RNLS: variants seen among roughly 807,000 people sequenced by gnomAD.
The protein encoded by RNLS is renalase.
RNLS carries 39 observed loss-of-function variants against 39.8 expected under a neutral mutation model. The observed-to-expected ratio is 0.98, with a 90% CI of 0.76 to 1.28. The LOEUF (loss-of-function observed/expected upper bound fraction) is 1.28. Ranked by LOEUF, RNLS falls within the 50% of genes most tolerant of loss-of-function variation. RNLS has a pLI of 0.00. For synonymous variants in RNLS, 147 were observed against 150.7 expected, an observed-to-expected ratio of 0.98 and a Z score of 0.18; for missense variants, 410 against 413.3, an observed-to-expected ratio of 0.99 and a Z score of 0.07.
At chr10:88,428,350 A>C (rs139076031) in intron 4 of RNLS, among the ~76,000 whole-genome samples, 123 of 152,046 alleles carry the variant, frequency 8.1e-4, no homozygotes, top group African/African-American at 2.8e-3. Context: ...TGAAAGGTTC[A>C]CTTTTATTCA....
chr10:88,445,601 A>G (rs1841989339), intron 4 of RNLS, among the ~76,000 whole-genome samples: 1 of 152,214 alleles, frequency 6.6e-6, no homozygotes, highest in Admixed American at 6.5e-5. Flanking sequence ...TAGGCTCAAA[A>G]TAAAGGGATG....
chr10:88,208,583 G>A, the RNLS span, among the ~76,000 whole-genome samples: 1 of 152,016 alleles, frequency 6.6e-6, no homozygotes, highest in South Asian at 2.1e-4. Context: ...GTTAACGTAT[G>A]GCAAAGGTAA....
intron 4 of RNLS, among the ~76,000 whole-genome samples, chr10:88,447,042 C>T (rs1842076251): frequency 6.6e-6 from 1 of 152,152 alleles, no homozygotes; most frequent in South Asian, 2.1e-4. Context: ...TATGACAAAC[C>T]CACAGCCAAT....
chr10:88,460,986 T>A (rs972981136), intron 4 of RNLS, among the ~76,000 whole-genome samples: 1 of 152,108 alleles, frequency 6.6e-6, no homozygotes, highest in Non-Finnish European at 1.5e-5. Flanking sequence ...ATCAAAGATC[T>A]GGTGACACCC....
At chr10:88,443,919 A>C (rs1161444037) in intron 4 of RNLS, among the ~76,000 whole-genome samples, 1 of 152,234 alleles carries the variant, frequency 6.6e-6, no homozygotes, top group Non-Finnish European at 1.5e-5. Flanking sequence ...AACAAAAGGC[A>C]GCAGAAACCT....
the RNLS span, among the ~76,000 whole-genome samples, chr10:88,235,587 T>C: frequency 6.6e-6 from 1 of 152,194 alleles, no homozygotes; most frequent in African/African-American, 2.4e-5. Flanking sequence ...AGTCAATTTA[T>C]ACAACCCCAC....
chr10:88,501,635 C>T (rs1845490453), intron 4 of RNLS, among the ~76,000 whole-genome samples: 1 of 152,124 alleles, frequency 6.6e-6, no homozygotes, highest in African/African-American at 2.4e-5. Flanking sequence ...AACCGCAATG[C>T]GTTAGTTCTT....
At chr10:88,515,415 T>C (rs1348712235) in intron 4 of RNLS, among the ~76,000 whole-genome samples, 1 of 152,052 alleles carries the variant, frequency 6.6e-6, no homozygotes, top group Non-Finnish European at 1.5e-5. Context: ...CTTGTATATG[T>C]TGCTTCTTCT....
chr10:88,482,478 A>G (rs1172363997), intron 4 of RNLS, among the ~76,000 whole-genome samples: 1 of 152,164 alleles, frequency 6.6e-6, no homozygotes, highest in African/African-American at 2.4e-5. Flanking sequence ...TTTCAGCTCC[A>G]GAGTTTCCAT....
At chr10:88,496,984 C>G (rs138225981) in intron 4 of RNLS, among the ~76,000 whole-genome samples, 23 of 152,020 alleles carry the variant, frequency 1.5e-4, no homozygotes, top group African/African-American at 5.5e-4. Context: ...TATTGTTACC[C>G]TGGGAAACAT....
chr10:88,379,496 G>A (rs1352823846), intron 4 of RNLS, among the ~76,000 whole-genome samples: 2 of 152,044 alleles, frequency 1.3e-5, no homozygotes, highest in African/African-American at 4.8e-5. Flanking sequence ...ATGAACCTGG[G>A]AAGAATTATC....
chr10:88,444,675 C>G (rs917548068), intron 4 of RNLS, among the ~76,000 whole-genome samples: 16 of 152,132 alleles, frequency 1.1e-4, no homozygotes, highest in African/African-American at 3.9e-4. Flanking sequence ...ATGATGAATG[C>G]ACAAGCTTCA....
In RNLS at chr10:88,484,156, T is replaced by C. The variant is rs182269636; in HGVS notation, c.526+88747A>G. Among the ~76,000 whole-genome samples the C allele has an allele frequency of 4.0e-3, 613 of 152,194 alleles. 5 individuals carry two copies. Among genetic ancestry groups the C allele is most frequent in the African/African-American group, 0.014 (563 of 41,582 alleles). ...AATTATTAATCTTAAGGATGAAGGA[T>C]GCATAACACAAAAATTCATGAGGGT... On this transcript the variant is annotated intron_variant, in intron 4 of 6. Coordinates refer to ENST00000331772, the MANE Select transcript of RNLS (RefSeq NM_001031709.3).
chr10:88,273,937 A>G (rs747597701), exon 7 of RNLS: 7 of 152,232 alleles, frequency 4.6e-5, no homozygotes, highest in Admixed American at 1.3e-4. Context: ...AAATATAAAC[A>G]CACATACATA....
At chr10:88,180,919 C>T in the RNLS span, among the ~76,000 whole-genome samples, 1 of 152,144 alleles carries the variant, frequency 6.6e-6, no homozygotes, top group Non-Finnish European at 1.5e-5. Context: ...TTTTTTAACA[C>T]AATCACTTTT....
intron 4 of RNLS, among the ~76,000 whole-genome samples, chr10:88,376,993 A>G (rs561321190): frequency 4.6e-5 from 7 of 152,198 alleles, no homozygotes; most frequent in African/African-American, 1.7e-4. Context: ...GAAATATCAA[A>G]CCATTTATTA....
chr10:88,559,889 G>A lies in RNLS; in HGVS notation c.526+13014C>T, dbSNP rs564508839. Among the ~76,000 whole-genome samples, 7 of 151,866 alleles carry A rather than the reference G, an allele frequency of 4.6e-5. No individual in the cohort carries two copies. In the East Asian group the frequency reaches 1.4e-3, roughly 29 times the overall value. Reference sequence around the variant, plus strand: ...AAGTCACCGAAAACTACGAGCACATGTAATGGGAAAAATGGCCTGGTCTTG... The same window carrying A: ...AAGTCACCGAAAACTACGAGCACATATAATGGGAAAAATGGCCTGGTCTTG... On this transcript the variant is annotated intron_variant, in intron 4 of 6. Coordinates refer to ENST00000331772, the MANE Select transcript of RNLS (RefSeq NM_001031709.3).
intron 4 of RNLS, among the ~76,000 whole-genome samples, chr10:88,441,070 G>A (rs1841683024): frequency 6.6e-6 from 1 of 152,170 alleles, no homozygotes; most frequent in Admixed American, 6.5e-5. Context: ...AAACTCATGT[G>A]TTATAAATAA....
At chr10:88,414,231 G>A (rs977585089) in intron 4 of RNLS, among the ~76,000 whole-genome samples, 7 of 134,172 alleles carry the variant, frequency 5.2e-5, no homozygotes, top group Admixed American at 1.5e-4. Flanking sequence ...GTGAGCATAC[G>A]AAAAAAAGTG....
Sources: gnomAD v4.1 joint callset for allele counts (sites outside exome capture counted in the v4.1 genomes callset) on GRCh38, gnomAD v4.1.1 for gene constraint, MANE v1.5 for transcripts, NCBI Gene and HGNC (gene_info 2026-07-23, HGNC 2026-07-21) for gene names.